Variants in ATP11B observed in about 807,000 individuals in gnomAD.
The protein encoded by ATP11B is phospholipid-transporting ATPase IF.
ATP11B carries 81 observed loss-of-function variants against 157.8 expected under a neutral mutation model. The ratio of observed to expected loss-of-function variants is 0.51; its 90% CI spans 0.43 to 0.62. ATP11B has a LOEUF of 0.62. Among genes scored for constraint, ATP11B ranks in the 20% least tolerant of loss-of-function variants. The pLI, the probability that ATP11B is intolerant of heterozygous loss-of-function variation, is 0.00. For synonymous variants in ATP11B, 451 were observed against 469.4 expected (o/e 0.96, Z 0.51); for missense variants, 1,165 against 1,402.2 (o/e 0.83, Z 2.70).
At chr3:182,913,830 C>A in intron 28 of ATP11B, 31 bp from the exon 29 acceptor site, 1 of 1,613,834 alleles carries the variant, frequency 6.2e-7, no homozygotes, top group Non-Finnish European at 8.5e-7. Context: ...TATCTTTAAA[C>A]AACTGATGTT....
At chr3:182,865,757 T>C (rs12496103) in intron 13 of ATP11B, 59 bp downstream of exon 13, 1 of 1,397,956 alleles carries the variant, frequency 7.2e-7, no homozygotes, top group East Asian at 2.5e-5. Context: ...TCTTCAGTAG[T>C]TGATGAGTTG....
chr3:182,916,224 T>G (rs1725132748), intron 29 of ATP11B: 1 of 985,228 alleles, frequency 1.0e-6, no homozygotes, highest in East Asian at 1.1e-4. Context: ...CATTGTGACT[T>G]TAGAGTAGCA....
At chr3:182,858,504 T>C (rs777621230) in intron 11 of ATP11B, among the ~76,000 whole-genome samples, 4 of 152,192 alleles carry the variant, frequency 2.6e-5, no homozygotes, top group Non-Finnish European at 5.9e-5. Flanking sequence ...ACCTATAATT[T>C]TGGTAAATAA....
chr3:182,831,163 C>T (rs1468629402), intron 4 of ATP11B, among the ~76,000 whole-genome samples: 1 of 152,158 alleles, frequency 6.6e-6, no homozygotes, highest in East Asian at 1.9e-4. Flanking sequence ...GAATCTCAAA[C>T]ATGACTCGAT....
intron 14 of ATP11B, among the ~76,000 whole-genome samples, chr3:182,867,162 C>T (rs939555924): frequency 2.7e-5 from 4 of 150,938 alleles, no homozygotes; most frequent in Admixed American, 6.6e-5. Context: ...CTCCTACCCT[C>T]AGGTGATCAA....
intron 28 of ATP11B, among the ~76,000 whole-genome samples, chr3:182,904,450 A>G (rs1486409385): frequency 6.6e-6 from 1 of 152,244 alleles, no homozygotes; most frequent in Non-Finnish European, 1.5e-5. Context: ...TTTTGAATGC[A>G]TCAGTTTTTT....
At chr3:182,807,737 C>G (rs1000101156) in intron 1 of ATP11B, among the ~76,000 whole-genome samples, 1 of 152,056 alleles carries the variant, frequency 6.6e-6, no homozygotes, top group African/African-American at 2.4e-5. Context: ...AGTGAGTCAT[C>G]TATGATTTAA....
In ATP11B at chr3:182,842,102, A is replaced by G; in HGVS notation, c.684A>G (p.Gln228=). 2 of 1,605,968 alleles carry G rather than the reference A, an allele frequency of 1.2e-6. No homozygotes were observed. The highest frequency in any genetic ancestry group is 1.7e-6 in the Non-Finnish European group (2 of 1,173,344). ...TCATGGGACGAATGATCATAACCCA[A>G]CAAATGGAAGAAATTGTAAGGTAAG... is the stretch of plus-strand genomic sequence containing the variant. The part of the protein sequence containing the change: ...YRFMGRMIIT[Q]QMEEIVRPLG... Residue 228 remains glutamine (Q), a synonymous_variant, in exon 8 of 30, where the codon CAA becomes CAG. Coordinates refer to ENST00000323116, the MANE Select transcript of ATP11B (RefSeq NM_014616.3).
At chr3:182,841,987 A>AC (rs577533382) in intron 7 of ATP11B, 88 bp from the exon 8 acceptor site, 8 of 846,978 alleles carry the variant, frequency 9.4e-6, no homozygotes, top group African/African-American at 1.7e-5. Flanking sequence ...CAAAAAAAAA[A>AC]AAAAAAAAAA....
At chr3:182,836,235 T>C (rs1367602072) in intron 5 of ATP11B, 93 bp downstream of exon 5, 14 of 1,562,102 alleles carry the variant, frequency 9.0e-6, no homozygotes, top group Admixed American at 3.5e-5. Context: ...AAAAGCCTAC[T>C]TTCCTATGCT....
chr3:182,830,510 G>A (rs1188159565), intron 4 of ATP11B, among the ~76,000 whole-genome samples: 2 of 152,154 alleles, frequency 1.3e-5, no homozygotes, highest in African/African-American at 2.4e-5. Flanking sequence ...TCATAGAAAT[G>A]TCCTGTTGAT....
At chr3:182,846,968 T>C (rs895897111) in intron 9 of ATP11B, among the ~76,000 whole-genome samples, 2 of 151,988 alleles carry the variant, frequency 1.3e-5, no homozygotes, top group Non-Finnish European at 2.9e-5. Context: ...TAAAAAGAAA[T>C]CTGTAAAAAT....
At chr3:182,850,888 A>T (rs1268518440) in intron 10 of ATP11B, among the ~76,000 whole-genome samples, 1 of 152,236 alleles carries the variant, frequency 6.6e-6, no homozygotes, top group African/African-American at 2.4e-5. Context: ...CTAAAAAAAA[A>T]GGTATACATA....
chr3:182,891,317 G>C (rs1213194785), intron 25 of ATP11B, among the ~76,000 whole-genome samples: 1 of 152,186 alleles, frequency 6.6e-6, no homozygotes, highest in Non-Finnish European at 1.5e-5. Flanking sequence ...ATTTTTAAAA[G>C]TAATATGTGC....
intron 25 of ATP11B, among the ~76,000 whole-genome samples, chr3:182,890,541 G>A (rs1723107199): frequency 6.6e-6 from 1 of 151,996 alleles, no homozygotes; most frequent in Admixed American, 6.6e-5. Flanking sequence ...AAAGGAAATG[G>A]GTTTCAAATG....
chr3:182,800,484 T>C (rs1425269784), intron 1 of ATP11B, among the ~76,000 whole-genome samples: 2 of 152,126 alleles, frequency 1.3e-5, no homozygotes, highest in Non-Finnish European at 2.9e-5. Context: ...TGTCTCAGCC[T>C]CCCAAAGTGC....
intron 1 of ATP11B, among the ~76,000 whole-genome samples, chr3:182,800,535 G>A (rs966639557): frequency 1.3e-5 from 2 of 152,072 alleles, no homozygotes; most frequent in African/African-American, 4.8e-5. Flanking sequence ...GACGATGTTT[G>A]TATTTAATTT....
intron 20 of ATP11B, among the ~76,000 whole-genome samples, chr3:182,879,908 T>A (rs1049759043): frequency 1.3e-5 from 2 of 152,258 alleles, no homozygotes; most frequent in African/African-American, 4.8e-5. Flanking sequence ...TAAACTGTGA[T>A]AACTAATGTT....
chr3:182,845,338 G>T (rs1427440421), intron 8 of ATP11B, 120 bp from the exon 9 acceptor site: 1 of 839,784 alleles, frequency 1.2e-6, no homozygotes, highest in Non-Finnish European at 1.8e-6. Flanking sequence ...TGGGATTTTG[G>T]TTTTATATGA....
Sources: gnomAD v4.1 joint callset for allele counts (sites outside exome capture counted in the v4.1 genomes callset) on GRCh38, gnomAD v4.1.1 for gene constraint, MANE v1.5 for transcripts, NCBI Gene and HGNC (gene_info 2026-07-23, HGNC 2026-07-21) for gene names.